CPNE4: variants seen among roughly 807,000 people sequenced by gnomAD.
CPNE4 encodes the protein copine-4.
CPNE4 carries 25 observed loss-of-function variants against 67.9 expected under a neutral mutation model. That is an observed-to-expected ratio of 0.37 (90% CI 0.27 to 0.51). The LOEUF is 0.51. Ranked by LOEUF, CPNE4 falls within the 20% of genes least tolerant of loss-of-function variation. The probability of loss-of-function intolerance (pLI) is 0.93; values close to 1 mark genes in which losing one functional copy is unlikely to be tolerated. For synonymous variants in CPNE4, 242 were observed against 244.9 expected (o/e 0.99, Z 0.11); for missense variants, 464 against 690.8 (o/e 0.67, Z 3.68).
At chr3:131,805,603 C>T (rs2084279224) in intron 2 of CPNE4, among the ~76,000 whole-genome samples, 1 of 152,196 alleles carries the variant, frequency 6.6e-6, no homozygotes, top group South Asian at 2.1e-4. Flanking sequence ...ATCTTGAAGA[C>T]TGCCTCCCTC....
chr3:131,578,898 A>G (rs1254963223), intron 9 of CPNE4, among the ~76,000 whole-genome samples: 1 of 152,230 alleles, frequency 6.6e-6, no homozygotes, highest in East Asian at 1.9e-4. Context: ...CTGTAACATA[A>G]AAGTGTAAGG....
chr3:131,862,582 C>T lies in CPNE4; in HGVS notation c.180+42682G>A, dbSNP rs530974504. ...TGATCCAAACAAATATAAATGGTTTCCTGAAGGCTTATATAATGCCATGTA... is the reference window on the plus strand; with the variant it reads ...TGATCCAAACAAATATAAATGGTTTTCTGAAGGCTTATATAATGCCATGTA... On this transcript the variant is annotated intron_variant, in intron 2 of 15. Coordinates refer to ENST00000429747, the MANE Select transcript of CPNE4 (RefSeq NM_130808.3). Among the ~76,000 whole-genome samples the T allele has an allele frequency of 1.7e-3, 254 of 152,054 alleles. 2 individuals are homozygous for T. The highest frequency in any genetic ancestry group is 5.8e-3 in the Admixed American group (89 of 15,262).
chr3:131,716,749 T>G (rs1158746747), intron 3 of CPNE4, among the ~76,000 whole-genome samples: 1 of 152,222 alleles, frequency 6.6e-6, no homozygotes, highest in Non-Finnish European at 1.5e-5. Context: ...CTTGCAATTT[T>G]TCTTGAAGTC....
chr3:131,598,014 TATTGTAA>T (rs1938993713), intron 7 of CPNE4, among the ~76,000 whole-genome samples: 1 of 152,172 alleles, frequency 6.6e-6, no homozygotes, highest in African/African-American at 2.4e-5. Flanking sequence ...GAAGGGAAGG[TATTGTAA>T]TAAACTGGTT....
At chr3:131,828,279 C>T (rs1158085266) in intron 2 of CPNE4, among the ~76,000 whole-genome samples, 1 of 152,094 alleles carries the variant, frequency 6.6e-6, no homozygotes, top group Non-Finnish European at 1.5e-5. Flanking sequence ...CTAATCAATA[C>T]TATAATCAAG....
intron 2 of CPNE4, among the ~76,000 whole-genome samples, chr3:131,751,430 G>C (rs1441997876): frequency 6.6e-6 from 1 of 151,532 alleles, no homozygotes; most frequent in Admixed American, 6.6e-5. Flanking sequence ...TTCTATTGTT[G>C]AACATATCCA....
intron 2 of CPNE4, among the ~76,000 whole-genome samples, chr3:131,852,653 T>C (rs562929419): frequency 4.0e-5 from 6 of 151,842 alleles, no homozygotes; most frequent in East Asian, 1.9e-4. Flanking sequence ...GTGTACTGCA[T>C]GTTTCAGCCA....
intron 2 of CPNE4, among the ~76,000 whole-genome samples, chr3:131,887,598 G>A (rs1320706163): frequency 6.6e-6 from 1 of 152,122 alleles, no homozygotes; most frequent in East Asian, 1.9e-4. Flanking sequence ...TATTTCCAGA[G>A]GTGGTAGACT....
chr3:131,726,855 T>A (rs191688981), intron 2 of CPNE4, among the ~76,000 whole-genome samples: 3 of 152,144 alleles, frequency 2.0e-5, no homozygotes, highest in Admixed American at 1.3e-4. Context: ...GGAACATCAG[T>A]CCTAGGGGAA....
intron 2 of CPNE4, among the ~76,000 whole-genome samples, chr3:131,789,805 G>GAA (rs370205277): frequency 6.6e-6 from 1 of 151,640 alleles, no homozygotes; most frequent in Non-Finnish European, 1.5e-5. Context: ...TATACACAAG[G>GAA]AAAAAAAATC....
intron 1 of CPNE4, among the ~76,000 whole-genome samples, chr3:131,919,898 A>T (rs773554890): frequency 1.3e-5 from 2 of 152,196 alleles, no homozygotes; most frequent in Non-Finnish European, 2.9e-5. Context: ...ATTTAATTAA[A>T]AGAAAGCAGT....
intron 2 of CPNE4, among the ~76,000 whole-genome samples, chr3:131,732,258 C>T (rs1244019043): frequency 3.9e-5 from 6 of 152,150 alleles, no homozygotes; most frequent in Admixed American, 2.0e-4. Flanking sequence ...AAGAAATAAT[C>T]GTATTATGGG....
At chr3:131,801,444 GTGTGTGTGTATATA>G (rs1258971105) in intron 2 of CPNE4, among the ~76,000 whole-genome samples, 25 of 85,040 alleles carry the variant, frequency 2.9e-4, no homozygotes, top group African/African-American at 1.0e-3. Context: ...GTGTGTGTGT[GTGTGTGTGTATATA>G]TATATATATA....
At chr3:131,870,120 C>T (rs1366210301) in intron 2 of CPNE4, among the ~76,000 whole-genome samples, 1 of 152,170 alleles carries the variant, frequency 6.6e-6, no homozygotes, top group South Asian at 2.1e-4. Context: ...CTCAGAAGAA[C>T]ACACAGCATG....
intron 11 of CPNE4, among the ~76,000 whole-genome samples, chr3:131,560,583 G>A (rs954111838): frequency 2.6e-5 from 4 of 152,070 alleles, no homozygotes; most frequent in Admixed American, 6.6e-5. Flanking sequence ...ACACTTCCCC[G>A]GCCATGCTGG....
intron 2 of CPNE4, among the ~76,000 whole-genome samples, chr3:131,832,779 T>C (rs1171721119): frequency 1.3e-5 from 2 of 152,140 alleles, no homozygotes; most frequent in East Asian, 1.9e-4. Flanking sequence ...AGACTTTAGA[T>C]TTTAGACTTT....
At chr3:131,699,743 A>G (rs1368818149) in intron 4 of CPNE4, among the ~76,000 whole-genome samples, 166 bp downstream of exon 4, 1 of 152,214 alleles carries the variant, frequency 6.6e-6, no homozygotes, top group Non-Finnish European at 1.5e-5. Flanking sequence ...TTGTATTGTC[A>G]GAAAAGAGAA....
intron 1 of CPNE4, among the ~76,000 whole-genome samples, chr3:131,908,491 A>G (rs995500410): frequency 2.7e-5 from 4 of 149,780 alleles, no homozygotes; most frequent in Non-Finnish European, 6.0e-5. Flanking sequence ...GCTTTTCCCA[A>G]TGCATTAACT....
At chr3:131,937,153 T>A (rs1391280856) in intron 1 of CPNE4, among the ~76,000 whole-genome samples, 1 of 151,978 alleles carries the variant, frequency 6.6e-6, no homozygotes, top group African/African-American at 2.4e-5. Context: ...AATAAATAAA[T>A]AATCCTGAAA....
Sources: gnomAD v4.1 joint callset for allele counts (sites outside exome capture counted in the v4.1 genomes callset) on GRCh38, gnomAD v4.1.1 for gene constraint, MANE v1.5 for transcripts, NCBI Gene and HGNC (gene_info 2026-07-23, HGNC 2026-07-21) for gene names.